Variants in LDB3 observed in about 807,000 individuals in gnomAD.
LDB3 encodes LIM domain binding 3, also known as LIM domain-binding protein 3.
A neutral mutation model predicts 69.0 loss-of-function variants in LDB3; 49 were observed. The observed-to-expected ratio is 0.71, with a 90% CI of 0.56 to 0.90. The LOEUF (loss-of-function observed/expected upper bound fraction) is 0.90, where lower values mean the gene tolerates loss of function less well. Ranked by LOEUF, LDB3 falls within the 40% of genes least tolerant of loss-of-function variation. The pLI is 0.00. For synonymous variants in LDB3, 387 were observed against 396.2 expected (o/e 0.98, Z 0.28); for missense variants, 928 against 974.1 (o/e 0.95, Z 0.63).
Position 86,733,177 on chromosome 10 carries a change from C to A in LDB3, c.*201C>A. 1 of 557,464 alleles carries A rather than the reference C, an allele frequency of 1.8e-6. No homozygotes were observed. The highest frequency in any genetic ancestry group is 3.2e-6 in the Non-Finnish European group (1 of 309,330). The allele number at this position is 557,464 out of a possible 1,614,324, so 34.5% of individuals were successfully genotyped here. A position where few individuals can be genotyped will look rare whatever the true frequency, so the allele number is the denominator to read the frequency against. On this transcript the variant is annotated 3_prime_UTR_variant, in exon 14 of 14. Transcript: ENST00000361373. ...GTTCAGACTAGGAGCCAAATGAAGA[C>A]TCAAAACCAAGCTAGTTATTAATCC...
chr10:86,704,783 T>G (rs1481349492), intron 7 of LDB3, among the ~76,000 whole-genome samples: 1 of 151,084 alleles, frequency 6.6e-6, no homozygotes, highest in Non-Finnish European at 1.5e-5. Flanking sequence ...GAGGTTTCAC[T>G]GTGTTAGCCA....
At chr10:86,693,205 G>A (rs959945896) in intron 7 of LDB3, among the ~76,000 whole-genome samples, 6 of 152,102 alleles carry the variant, frequency 3.9e-5, no homozygotes, top group African/African-American at 1.5e-4. Context: ...ACTGTGGCCC[G>A]TCAGGTGCTC....
Position 86,681,494 on chromosome 10 carries a change from G to A in LDB3, c.380G>A (p.Arg127Lys), listed in dbSNP as rs1365412037. ...GCACCCAGCCCCAGCCCTGAGGCGAGGGCCAGCCCAGGCACCCCAGGCACC... is the reference window on the plus strand; with the variant it reads ...GCACCCAGCCCCAGCCCTGAGGCGAAGGCCAGCCCAGGCACCCCAGGCACC... ...LVAPSPSPEA[R>K]ASPGTPGTPE... Residue 127 changes from arginine (R) to lysine (K), a missense_variant, in exon 5 of 14, where the codon AGG (arginine) becomes AAG (lysine). Arg to Lys is a conservative substitution (Grantham distance 26). Transcript: ENST00000361373. The A allele has an allele frequency of 6.2e-7, 1 of 1,609,940 alleles. No individual in the cohort carries two copies. The highest frequency in any genetic ancestry group is 8.5e-7 in the Non-Finnish European group (1 of 1,179,732).
intron 12 of LDB3, 121 bp downstream of exon 12, chr10:86,718,968 A>G: frequency 7.7e-7 from 1 of 1,296,656 alleles, no homozygotes; most frequent in Admixed American, 2.6e-5. Context: ...TTATTTCTGG[A>G]AGAAACCTTT....
chr10:86,710,205 C>T (rs868779767), intron 9 of LDB3, 155 bp downstream of exon 9: 2 of 985,172 alleles, frequency 2.0e-6, no homozygotes, highest in African/African-American at 1.7e-5. Context: ...AGCTGTGGGT[C>T]AGAATCCTAT....
At chr10:86,716,840 C>A in intron 10 of LDB3, 69 bp downstream of exon 10, 2 of 1,507,456 alleles carry the variant, frequency 1.3e-6, no homozygotes, top group South Asian at 2.4e-5. Flanking sequence ...TGCCCACAGT[C>A]TGAGCCCTGG....
In LDB3 at chr10:86,692,534, G is replaced by T. The variant is rs111458856; in HGVS notation, c.860-1G>T. On this transcript the variant is annotated splice_acceptor_variant, in intron 6 of 13. Coordinates refer to ENST00000361373, the MANE Select transcript of LDB3 (RefSeq NM_007078.3). LOFTEE classifies it high-confidence loss of function. The stretch of plus-strand genomic sequence containing the variant: ...CCTGACCAGCTCCTTTCTACCAACA[G>T]TGCAAGACCCTGATGAAGAAGCTCT... 6.2e-7 allele frequency: 1 copy of T among 1,614,076 alleles called. No individual in the cohort carries two copies. The highest frequency in any genetic ancestry group is 8.5e-7 in the Non-Finnish European group (1 of 1,180,004).
Position 86,687,275 on chromosome 10 carries a change from A to T in LDB3, c.690-4621A>T, listed in dbSNP as rs370053163. ...GCCCAAGGCAGTGACTTCAGTGGGTAAGCGCCTCCCTCCTCCACCGCCACT... is the reference window on the plus strand; with the variant it reads ...GCCCAAGGCAGTGACTTCAGTGGGTTAGCGCCTCCCTCCTCCACCGCCACT... On this transcript the variant is annotated intron_variant, in intron 5 of 13. Transcript: ENST00000361373. The T allele has an allele frequency of 1.3e-5, 21 of 1,613,938 alleles. No individual in the cohort carries two copies. Among genetic ancestry groups the T allele is most frequent in the Non-Finnish European group, 1.7e-5 (20 of 1,179,874 alleles).
At position 86,668,553 on chromosome 10, in the gene LDB3, C is replaced by A. The variant is rs762341614; in HGVS notation, c.-41C>A. ...AAGAGCTCCACGCAGCCCGGCTGGG[C>A]AGCAAGGGACAGAACAGGCAAGGCT... On this transcript the variant is annotated 5_prime_UTR_variant, in exon 1 of 14. Coordinates refer to ENST00000361373, the MANE Select transcript of LDB3 (RefSeq NM_007078.3). 4.0e-6 allele frequency: 3 copies of A among 751,570 alleles called. No individual in the cohort carries two copies. The highest frequency in any genetic ancestry group is 7.2e-6 in the Non-Finnish European group (3 of 416,412). 46.6% of individuals were successfully genotyped at this position (751,570 alleles called of 1,614,324 possible).
chr10:86,676,587 A>AG (rs1844807532), intron 2 of LDB3, among the ~76,000 whole-genome samples: 1 of 86,766 alleles, frequency 1.2e-5, no homozygotes, highest in African/African-American at 5.8e-5. Context: ...AAAGAGAAAG[A>AG]AAAAAAAAAA....
intron 13 of LDB3, among the ~76,000 whole-genome samples, chr10:86,727,123 C>T (rs903299147): frequency 6.6e-6 from 1 of 151,182 alleles, no homozygotes. Context: ...TGGGTTCAAG[C>T]GATTCTTCTG....
At position 86,704,735 on chromosome 10, in the gene LDB3, C is replaced by T. The variant is rs185443636; in HGVS notation, c.897-1796C>T. ...CTGGGACTACAGGCACCCACCACCA[C>T]GCCTGGCTGATTTTGTTTTTGTATT... On this transcript the variant is annotated intron_variant, in intron 7 of 13. Coordinates refer to ENST00000361373, the MANE Select transcript of LDB3 (RefSeq NM_007078.3). Among the ~76,000 whole-genome samples, 106 of 152,282 alleles carry T rather than the reference C, an allele frequency of 7.0e-4. 2 individuals are homozygous for T. The highest frequency in any genetic ancestry group is 2.5e-3 in the African/African-American group (102 of 41,554).
intron 5 of LDB3, chr10:86,687,147 G>A (rs772155937): frequency 1.2e-6 from 2 of 1,614,238 alleles, no homozygotes; most frequent in East Asian, 4.5e-5. Flanking sequence ...TCGAGGTGAA[G>A]GGGCTGGGCG....
At chr10:86,711,207 G>T (rs1263362881) in intron 9 of LDB3, among the ~76,000 whole-genome samples, 1 of 152,152 alleles carries the variant, frequency 6.6e-6, no homozygotes, top group African/African-American at 2.4e-5. Flanking sequence ...TCTCTTCCTG[G>T]GGAGGCGCTT....
At chr10:86,715,495 G>A (rs570167045) in intron 9 of LDB3, among the ~76,000 whole-genome samples, 1 of 152,290 alleles carries the variant, frequency 6.6e-6, no homozygotes, top group African/African-American at 2.4e-5. Context: ...TGCTCTCAGG[G>A]AGCTGGAGGA....
rs1845810797 is a variant in LDB3, at chr10:86,692,428, CG to C, written c.860-106del. On this transcript the variant is annotated intron_variant, in intron 6 of 13. Coordinates refer to ENST00000361373, the MANE Select transcript of LDB3 (RefSeq NM_007078.3). Reference sequence around the variant, plus strand: ...AGTGGACAGGCAAGGGGGCAGTCACCGTGTGGGGCCTGGCTGAATCCTGGGG... The same window carrying C: ...AGTGGACAGGCAAGGGGGCAGTCACCTGTGGGGCCTGGCTGAATCCTGGGG... The C allele has an allele frequency of 5.5e-5, 63 of 1,135,920 alleles. 1 individual carries two copies. The South Asian group carries it at 7.6e-4, about 14-fold the overall frequency. 70.4% of individuals were successfully genotyped at this position (1,135,920 alleles called of 1,614,324 possible). A position where few individuals can be genotyped will look rare whatever the true frequency, so the allele number is the denominator to read the frequency against.
chr10:86,693,424 C>T (rs1295527659), intron 7 of LDB3, among the ~76,000 whole-genome samples: 1 of 152,252 alleles, frequency 6.6e-6, no homozygotes, highest in South Asian at 2.1e-4. Context: ...GGCTCAGAGG[C>T]ACCCTCCCAT....
intron 2 of LDB3, among the ~76,000 whole-genome samples, chr10:86,675,002 C>T (rs995644769): frequency 6.6e-6 from 1 of 152,178 alleles, no homozygotes; most frequent in Non-Finnish European, 1.5e-5. Context: ...CCAGCCCCCA[C>T]CCTGAGGGAT....
chr10:86,667,237 G>T (rs977897634), upstream of LDB3, among the ~76,000 whole-genome samples: 2 of 152,120 alleles, frequency 1.3e-5, no homozygotes, highest in Non-Finnish European at 2.9e-5. Flanking sequence ...GGCCCCAGGA[G>T]TGAGGCTAGA....
Sources: allele counts gnomAD v4.1 joint callset (sites outside exome capture counted in the v4.1 genomes callset), GRCh38; gene constraint gnomAD v4.1.1; transcripts MANE v1.5; gene names NCBI Gene and HGNC (gene_info 2026-07-23, HGNC 2026-07-21).